The following NKAIN2 variants were observed in gnomAD, a reference collection of about 807,000 sequenced individuals.
NKAIN2 encodes the protein sodium/potassium transporting ATPase interacting 2.
A neutral mutation model predicts 32.6 loss-of-function variants in NKAIN2; 14 were observed. The ratio of observed to expected loss-of-function variants is 0.43; its 90% confidence interval spans 0.28 to 0.67. The LOEUF is 0.67. NKAIN2 is among the 30% of genes least tolerant of loss of function. The pLI, the probability that NKAIN2 is intolerant of heterozygous loss-of-function variation, is 0.17. For synonymous variants in NKAIN2, 80 were observed against 87.2 expected (o/e 0.92, Z 0.46); for missense variants, 198 against 258.3 (o/e 0.77, Z 1.60).
At chr6:124,531,675 T>C (rs1779530604) in intron 3 of NKAIN2, among the ~76,000 whole-genome samples, 1 of 152,160 alleles carries the variant, frequency 6.6e-6, no homozygotes, top group South Asian at 2.1e-4. Context: ...CATTTTTTCT[T>C]TCTTTCTGTT....
At chr6:124,211,585 G>A (rs1791179155) in intron 1 of NKAIN2, among the ~76,000 whole-genome samples, 1 of 151,914 alleles carries the variant, frequency 6.6e-6, no homozygotes, top group Non-Finnish European at 1.5e-5. Flanking sequence ...ATGTCTAAGA[G>A]TTCTTTGCCA....
intron 2 of NKAIN2, among the ~76,000 whole-genome samples, chr6:124,333,636 G>A (rs1339094919): frequency 6.6e-6 from 1 of 151,480 alleles, no homozygotes; most frequent in African/African-American, 2.4e-5. Flanking sequence ...CTCCGGCCTA[G>A]GTGACAGAGT....
intron 1 of NKAIN2, among the ~76,000 whole-genome samples, chr6:123,871,255 C>T (rs1337348331): frequency 1.3e-5 from 2 of 152,086 alleles, no homozygotes; most frequent in Admixed American, 1.3e-4. Flanking sequence ...GCTTTGGTTC[C>T]CTTTTGTTAA....
Position 124,579,861 on chromosome 6 carries a change from C to G in NKAIN2, c.274-78325C>G, listed in dbSNP as rs575138540. On this transcript the variant is annotated intron_variant, in intron 3 of 6. Transcript: ENST00000368417. Reference sequence around the variant, plus strand: ...AAAAGAAATTAATAACATACAATGGCGCTCCAATACATCTGGCAGCAGGTT... The same window carrying G: ...AAAAGAAATTAATAACATACAATGGGGCTCCAATACATCTGGCAGCAGGTT... 1.3e-5 allele frequency among the ~76,000 whole-genome samples: 2 copies of G among 152,168 alleles called. 1 individual carries two copies. Among genetic ancestry groups the G allele is most frequent in the South Asian group, 4.1e-4 (2 of 4,834 alleles).
intron 3 of NKAIN2, among the ~76,000 whole-genome samples, chr6:124,493,059 TGATTA>T (rs1016732201): frequency 3.4e-4 from 51 of 152,116 alleles, no homozygotes; most frequent in African/African-American, 1.1e-3. Context: ...GTTGTTATAG[TGATTA>T]GATTAGAAAA....
chr6:124,736,551 C>G (rs920602801), intron 4 of NKAIN2, among the ~76,000 whole-genome samples: 29 of 151,884 alleles, frequency 1.9e-4, no homozygotes, highest in African/African-American at 6.8e-4. Flanking sequence ...CTGTTAGAGG[C>G]TAATGCAGCT....
At chr6:124,117,814 TATA>T (rs909236634) in intron 1 of NKAIN2, among the ~76,000 whole-genome samples, 1 of 151,454 alleles carries the variant, frequency 6.6e-6, no homozygotes, top group Non-Finnish European at 1.5e-5. Context: ...TTTATAATCA[TATA>T]ATATTTATTC....
intron 3 of NKAIN2, among the ~76,000 whole-genome samples, chr6:124,533,396 C>T (rs7449795): frequency 0.016 from 2,138 of 133,606 alleles, 42 homozygotes; most frequent in African/African-American, 0.057. Context: ...GGCGTGAACC[C>T]GGGAGGTGGA....
Position 123,811,251 on chromosome 6 carries a change from G to A in NKAIN2, c.54+6997G>A, listed in dbSNP as rs148397270. Among the ~76,000 whole-genome samples, 145 of 152,250 alleles carry A rather than the reference G, an allele frequency of 9.5e-4. 2 individuals carry two copies. The highest frequency in any genetic ancestry group is 3.7e-3 in the East Asian group (19 of 5,182). ...ATTCAGAAGTTTAAATAGGAGAAATGCAAGGTCTTTCCAGCGCGTTTGTGT... is the reference window on the plus strand; with the variant it reads ...ATTCAGAAGTTTAAATAGGAGAAATACAAGGTCTTTCCAGCGCGTTTGTGT... On this transcript the variant is annotated intron_variant, in intron 1 of 6. Coordinates refer to ENST00000368417, the MANE Select transcript of NKAIN2 (RefSeq NM_001040214.3).
intron 6 of NKAIN2, 21 bp downstream of exon 6, chr6:124,818,489 G>A (rs773062122): frequency 1.6e-6 from 2 of 1,217,298 alleles, no homozygotes; most frequent in Non-Finnish European, 2.4e-6. Flanking sequence ...TACTTGGAAG[G>A]TACTCTTCTG....
At chr6:124,250,720 G>T (rs1246832475) in intron 1 of NKAIN2, among the ~76,000 whole-genome samples, 12 of 152,032 alleles carry the variant, frequency 7.9e-5, no homozygotes, top group Admixed American at 2.0e-4. Flanking sequence ...GAATATGATT[G>T]CAACTGGAAG....
At chr6:124,703,034 C>T (rs1430219539) in intron 4 of NKAIN2, among the ~76,000 whole-genome samples, 1 of 151,776 alleles carries the variant, frequency 6.6e-6, no homozygotes, top group African/African-American at 2.4e-5. Context: ...GTAAAAGTTG[C>T]ATGCAAAAAA....
intron 1 of NKAIN2, among the ~76,000 whole-genome samples, chr6:124,222,108 T>C (rs1791866294): frequency 6.6e-6 from 1 of 152,136 alleles, no homozygotes; most frequent in Non-Finnish European, 1.5e-5. Flanking sequence ...TGATAGATAA[T>C]GTGAATCCAG....
At chr6:124,529,304 A>T (rs1306918732) in intron 3 of NKAIN2, among the ~76,000 whole-genome samples, 1 of 152,180 alleles carries the variant, frequency 6.6e-6, no homozygotes, top group Non-Finnish European at 1.5e-5. Flanking sequence ...ACCCTGATGT[A>T]GGCTGGGCCT....
intron 4 of NKAIN2, among the ~76,000 whole-genome samples, chr6:124,766,612 A>G (rs1778525972): frequency 6.6e-6 from 1 of 152,196 alleles, no homozygotes; most frequent in African/African-American, 2.4e-5. Flanking sequence ...CACATGGCCC[A>G]GATTGGAGAA....
intron 3 of NKAIN2, among the ~76,000 whole-genome samples, chr6:124,458,919 A>G (rs1776423356): frequency 6.6e-6 from 1 of 151,806 alleles, no homozygotes; most frequent in South Asian, 2.1e-4. Flanking sequence ...CGTATTTCCC[A>G]CTATTGTAGG....
At chr6:124,750,726 T>C (rs1157359733) in intron 4 of NKAIN2, among the ~76,000 whole-genome samples, 1 of 152,052 alleles carries the variant, frequency 6.6e-6, no homozygotes, top group East Asian at 1.9e-4. Flanking sequence ...ATAGTTATGT[T>C]AAATTCCTAA....
chr6:124,384,079 A>C (rs1772775489), intron 3 of NKAIN2, among the ~76,000 whole-genome samples: 1 of 152,188 alleles, frequency 6.6e-6, no homozygotes, highest in Non-Finnish European at 1.5e-5. Context: ...TTCTCTAGGA[A>C]CATAATAGAA....
At chr6:123,916,943 G>C (rs1302988623) in intron 1 of NKAIN2, among the ~76,000 whole-genome samples, 1 of 152,008 alleles carries the variant, frequency 6.6e-6, no homozygotes. Context: ...GGTCTCTAAA[G>C]TTAAGACCTG....
Sources: allele counts gnomAD v4.1 joint callset (sites outside exome capture counted in the v4.1 genomes callset), GRCh38; gene constraint gnomAD v4.1.1; transcripts MANE v1.5; gene names NCBI Gene and HGNC (gene_info 2026-07-23, HGNC 2026-07-21).